THSD7B: variants seen among roughly 807,000 people sequenced by gnomAD.
THSD7B encodes the protein thrombospondin type-1 domain-containing protein 7B.
Under a neutral mutation model 213.6 loss-of-function variants are expected in THSD7B, and 138 were observed. The observed-to-expected ratio is 0.65, with a 90% CI of 0.56 to 0.74. THSD7B has a LOEUF of 0.74. Among genes scored for constraint, THSD7B ranks in the 30% least tolerant of loss-of-function variants. The pLI is 0.00. For missense variants in THSD7B, 1,931 were observed against 1,991.5 expected (o/e 0.97, Z 0.58); for synonymous variants, 742 against 687.0 (o/e 1.08, Z -1.25).
At chr2:136,856,357 T>C (rs1331120632) in intron 1 of THSD7B, among the ~76,000 whole-genome samples, 1 of 152,184 alleles carries the variant, frequency 6.6e-6, no homozygotes, top group African/African-American at 2.4e-5. Context: ...TGCTTGTTTG[T>C]TATGTTTCAT....
At chr2:137,262,546 T>C (rs1682476905) in intron 10 of THSD7B, among the ~76,000 whole-genome samples, 1 of 152,196 alleles carries the variant, frequency 6.6e-6, no homozygotes, top group Non-Finnish European at 1.5e-5. Context: ...ATAGGTGTTG[T>C]TATTAACCTT....
chr2:137,290,118 T>C (rs1225616643), intron 12 of THSD7B, among the ~76,000 whole-genome samples: 7 of 150,506 alleles, frequency 4.7e-5, no homozygotes, highest in Admixed American at 2.0e-4. Flanking sequence ...TTCTTTTTTT[T>C]TTTTTTTTTT....
intron 1 of THSD7B, among the ~76,000 whole-genome samples, chr2:136,777,744 A>G (rs1347632890): frequency 6.6e-6 from 1 of 152,212 alleles, no homozygotes; most frequent in African/African-American, 2.4e-5. Flanking sequence ...AAGAATAGCT[A>G]CCAAATAAAG....
chr2:137,677,633 T>G lies in THSD7B; in HGVS notation c.*1028T>G, dbSNP rs762973344. On this transcript the variant is annotated 3_prime_UTR_variant, in exon 28 of 28. Coordinates refer to ENST00000409968, the MANE Select transcript of THSD7B (RefSeq NM_001316349.2). ...AGACCATTTTATGAAGATAATTGTTTGTAATCATAGGTGTTGAAAGTAAAA... is the reference window on the plus strand; with the variant it reads ...AGACCATTTTATGAAGATAATTGTTGGTAATCATAGGTGTTGAAAGTAAAA... The G allele has an allele frequency of 5.9e-5, 9 of 152,646 alleles. No individual in the cohort carries two copies. The highest frequency in any genetic ancestry group is 1.3e-4 in the Non-Finnish European group (9 of 68,022). The allele number at this position is 152,646 out of a possible 1,614,324, so 9.5% of individuals were successfully genotyped here.
chr2:136,858,867 G>A (rs1188319668), intron 1 of THSD7B, among the ~76,000 whole-genome samples: 1 of 152,200 alleles, frequency 6.6e-6, no homozygotes, highest in Non-Finnish European at 1.5e-5. Context: ...TGCGACAGAT[G>A]TTCATCAAGT....
intron 3 of THSD7B, among the ~76,000 whole-genome samples, chr2:137,074,577 C>A (rs1295750305): frequency 6.6e-6 from 1 of 152,078 alleles, no homozygotes; most frequent in Non-Finnish European, 1.5e-5. Context: ...AGCGTTTAGC[C>A]CATTTACATT....
At chr2:137,661,986 G>A (rs550407214) in intron 25 of THSD7B, among the ~76,000 whole-genome samples, 5 of 152,070 alleles carry the variant, frequency 3.3e-5, no homozygotes, top group South Asian at 4.2e-4. Flanking sequence ...TAGTGAGCAC[G>A]GTTGAGCCCA....
At chr2:137,012,857 G>A (rs1421028258) in intron 2 of THSD7B, among the ~76,000 whole-genome samples, 1 of 152,192 alleles carries the variant, frequency 6.6e-6, no homozygotes, top group African/African-American at 2.4e-5. Context: ...TTCTAAATTA[G>A]TAAAGCTAAT....
intron 12 of THSD7B, among the ~76,000 whole-genome samples, chr2:137,395,137 A>C (rs1287010533): frequency 6.9e-6 from 1 of 144,310 alleles, no homozygotes; most frequent in Admixed American, 6.9e-5. Flanking sequence ...CTCTTCTCCT[A>C]ATTGAATACC....
intron 2 of THSD7B, among the ~76,000 whole-genome samples, chr2:136,899,603 A>G (rs1015748958): frequency 6.6e-6 from 1 of 152,162 alleles, no homozygotes; most frequent in Non-Finnish European, 1.5e-5. Flanking sequence ...AATCTTGTTC[A>G]TTGCATTTTA....
At chr2:136,935,562 T>A (rs1684708126) in intron 2 of THSD7B, among the ~76,000 whole-genome samples, 1 of 151,994 alleles carries the variant, frequency 6.6e-6, no homozygotes, top group Non-Finnish European at 1.5e-5. Context: ...AATGGGTGAG[T>A]TTAGGGGCAG....
chr2:136,878,320 A>G (rs565550305), intron 1 of THSD7B, among the ~76,000 whole-genome samples: 2 of 152,298 alleles, frequency 1.3e-5, no homozygotes, highest in African/African-American at 2.4e-5. Flanking sequence ...GCTATCATTG[A>G]TGGACATTTG....
intron 9 of THSD7B, among the ~76,000 whole-genome samples, chr2:137,240,994 ACTGT>A (rs1681886513): frequency 1.3e-5 from 2 of 152,112 alleles, no homozygotes; most frequent in South Asian, 2.1e-4. Context: ...AAGTCTATTA[ACTGT>A]CTGTTTAAAC....
intron 9 of THSD7B, among the ~76,000 whole-genome samples, chr2:137,240,247 C>T (rs185974955): frequency 6.6e-6 from 1 of 152,166 alleles, no homozygotes; most frequent in East Asian, 1.9e-4. Flanking sequence ...CTCTCTGTGA[C>T]CAGAATGATG....
chr2:137,485,350 C>G (rs1688410259), intron 15 of THSD7B, among the ~76,000 whole-genome samples: 1 of 151,434 alleles, frequency 6.6e-6, no homozygotes, highest in Non-Finnish European at 1.5e-5. Context: ...GGCATTATTT[C>G]TGAGGGCTGT....
chr2:136,827,983 CTGTTA>C (rs931693021), intron 1 of THSD7B, among the ~76,000 whole-genome samples: 2 of 151,896 alleles, frequency 1.3e-5, no homozygotes, highest in Admixed American at 6.6e-5. Context: ...TTGTTTGTGT[CTGTTA>C]TATCAGCATG....
chr2:137,298,507 A>G (rs1573942456), intron 12 of THSD7B, among the ~76,000 whole-genome samples: 1 of 152,084 alleles, frequency 6.6e-6, no homozygotes, highest in African/African-American at 2.4e-5. Flanking sequence ...AATCCCTGAG[A>G]CCATGGGGAA....
chr2:137,411,545 G>A, intron 13 of THSD7B, 64 bp from the exon 14 acceptor site: 3 of 1,417,896 alleles, frequency 2.1e-6, no homozygotes, highest in African/African-American at 1.4e-5. Flanking sequence ...ATACAAAAGT[G>A]TGAGTGACTT....
chr2:137,432,714 A>G (rs1156682002), intron 14 of THSD7B, among the ~76,000 whole-genome samples: 2 of 152,124 alleles, frequency 1.3e-5, no homozygotes, highest in African/African-American at 4.8e-5. Flanking sequence ...CTGTCCTTCC[A>G]GGACTCCATT....
Sources: gnomAD v4.1 joint callset for allele counts (sites outside exome capture counted in the v4.1 genomes callset) on GRCh38, gnomAD v4.1.1 for gene constraint, MANE v1.5 for transcripts, NCBI Gene and HGNC (gene_info 2026-07-23, HGNC 2026-07-21) for gene names.